Variants in ENOX2 observed in about 807,000 individuals in gnomAD.
ENOX2 encodes the protein ecto-NOX disulfide-thiol exchanger 2, also known as APK1 antigen.
In ENOX2, 36 loss-of-function variants were observed where a neutral mutation model predicts 45.0. The ratio of observed to expected loss-of-function variants is 0.80; its 90% CI spans 0.61 to 1.06. ENOX2 has a LOEUF of 1.06. Among genes scored for constraint, ENOX2 ranks in the 50% least tolerant of loss-of-function variants. The pLI is 0.00. For missense variants in ENOX2, 423 were observed against 462.5 expected, an observed-to-expected ratio of 0.91 and a Z score of 0.78; for synonymous variants, 174 against 152.3, an observed-to-expected ratio of 1.14 and a Z score of -1.05.
chrX:130,769,121 G>A lies in ENOX2; in HGVS notation c.-39+14426C>T, dbSNP rs1437340559. On this transcript the variant is annotated intron_variant, in intron 3 of 14. Transcript: ENST00000394363. ...CCAATGCTGCCTGTTTCATAATCTAGGGGAAGTATTTTCTTCTCAAGCCAT... is the reference window on the plus strand; with the variant it reads ...CCAATGCTGCCTGTTTCATAATCTAAGGGAAGTATTTTCTTCTCAAGCCAT... 4.5e-5 allele frequency among the ~76,000 whole-genome samples: 5 copies of A among 111,494 alleles called. No homozygotes were observed. The East Asian group carries it at 1.4e-3, about 31-fold the overall frequency.
intron 3 of ENOX2, among the ~76,000 whole-genome samples, chrX:130,745,340 T>C (rs1315864760): frequency 8.9e-6 from 1 of 112,101 alleles, no homozygotes; most frequent in African/African-American, 3.2e-5. Context: ...TTTGAAAATA[T>C]GCTAAAGTAT....
rs184867338 is a variant in ENOX2, at chrX:130,683,159, G to A, written c.254-3411C>T. Among the ~76,000 whole-genome samples, 189 of 111,968 alleles carry A rather than the reference G, an allele frequency of 1.7e-3. 1 individual carries two copies. Among genetic ancestry groups the A allele is most frequent in the African/African-American group, 5.7e-3 (176 of 30,812 alleles). ...CATCTACTCTGGGGAGCTATGTTGGGGCAATCTGAGTCATTGCTGATCTTT... is the reference window on the plus strand; with the variant it reads ...CATCTACTCTGGGGAGCTATGTTGGAGCAATCTGAGTCATTGCTGATCTTT... On this transcript the variant is annotated intron_variant, in intron 5 of 14. Coordinates refer to ENST00000394363, the MANE Select transcript of ENOX2 (RefSeq NM_006375.4).
chrX:130,889,873 A>G lies in ENOX2; in HGVS notation c.-183+11811T>C, dbSNP rs770819676. Reference sequence around the variant, plus strand: ...TGAGTCAGGTGGGATACAATTCTCCAGAGGCCTCATCCCTGCTACCGTCCA... The same window carrying G: ...TGAGTCAGGTGGGATACAATTCTCCGGAGGCCTCATCCCTGCTACCGTCCA... On this transcript the variant is annotated intron_variant, in intron 2 of 14. Coordinates refer to ENST00000394363, the MANE Select transcript of ENOX2 (RefSeq NM_006375.4). Among the ~76,000 whole-genome samples the G allele has an allele frequency of 2.7e-5, 3 of 112,562 alleles. No homozygotes were observed. The South Asian group carries it at 1.1e-3, about 42-fold the overall frequency.
At chrX:130,651,764 C>T (rs2036407444) in intron 10 of ENOX2, among the ~76,000 whole-genome samples, 1 of 111,853 alleles carries the variant, frequency 8.9e-6, no homozygotes, top group African/African-American at 3.3e-5. Flanking sequence ...AATAAACAAT[C>T]TCTTAGTATA....
intron 2 of ENOX2, among the ~76,000 whole-genome samples, chrX:130,818,521 A>T (rs2077531739): frequency 8.9e-6 from 1 of 111,962 alleles, no homozygotes; most frequent in Non-Finnish European, 1.9e-5. Context: ...ACGGTAACCA[A>T]AACAGCATGG....
intron 13 of ENOX2, among the ~76,000 whole-genome samples, chrX:130,630,359 A>T (rs1409664844): frequency 9.0e-6 from 1 of 111,228 alleles, no homozygotes; most frequent in Non-Finnish European, 1.9e-5. Flanking sequence ...GGGGCCCCTT[A>T]TAACTTTAGA....
At chrX:130,823,448 C>T (rs2077656509) in intron 2 of ENOX2, among the ~76,000 whole-genome samples, 1 of 110,993 alleles carries the variant, frequency 9.0e-6, no homozygotes, top group African/African-American at 3.3e-5. Flanking sequence ...AGAGCTTTCA[C>T]ATGGAGGCAG....
chrX:130,777,980 G>A (rs1027913164), intron 3 of ENOX2, among the ~76,000 whole-genome samples: 2 of 111,609 alleles, frequency 1.8e-5, no homozygotes, highest in African/African-American at 3.3e-5. Context: ...GGCTCTTCTT[G>A]CCTTTGGCAA....
rs1474928291 is a variant in ENOX2 at position 130,894,329 on chromosome X, A to G, written c.-183+7355T>C. Among the ~76,000 whole-genome samples, 3 of 108,598 alleles carry G rather than the reference A, an allele frequency of 2.8e-5. No individual in the cohort carries two copies. The Admixed American group carries it at 2.9e-4, about 11-fold the overall frequency. 94.3% of individuals were successfully genotyped at this position (108,598 alleles called of 115,157 possible). ...TGTAACAAACCTGCACGTTCTGCAC[A>G]GTATCCTAGAACTTAAAGTAAAATT... On this transcript the variant is annotated intron_variant, in intron 2 of 14. Transcript: ENST00000394363.
At position 130,721,538 on chromosome X, in the gene ENOX2, C is replaced by A. The variant is rs192709775; in HGVS notation, c.-38-18284G>T. On this transcript the variant is annotated intron_variant, in intron 3 of 14. Transcript: ENST00000394363. ...TCTTGAGACAACTTCACTTCCCATT[C>A]TCCTCTGCTCCACAGCCACAGGTTA... is the stretch of plus-strand genomic sequence containing the variant. 1.1e-3 allele frequency among the ~76,000 whole-genome samples: 127 copies of A among 112,079 alleles called. 1 individual carries two copies. Among genetic ancestry groups the A allele is most frequent in the African/African-American group, 4.0e-3 (122 of 30,852 alleles).
chrX:130,853,463 CAAAAAA>C (rs754949787), intron 2 of ENOX2, among the ~76,000 whole-genome samples: 14 of 27,994 alleles, frequency 5.0e-4, no homozygotes, highest in African/African-American at 1.4e-3. Context: ...GACTCCGTCT[CAAAAAA>C]AAAAAAAAAA....
At chrX:130,775,616 A>T (rs2039838413) in intron 3 of ENOX2, among the ~76,000 whole-genome samples, 1 of 110,441 alleles carries the variant, frequency 9.1e-6, no homozygotes, top group South Asian at 3.9e-4. Context: ...CTGGGACGGT[A>T]AATGGTCTGC....
intron 4 of ENOX2, among the ~76,000 whole-genome samples, chrX:130,692,637 G>A (rs1203323223): frequency 1.9e-5 from 2 of 105,715 alleles, no homozygotes; most frequent in Non-Finnish European, 3.9e-5. Flanking sequence ...CTGGAGTGGA[G>A]TGGTGCGATC....
chrX:130,793,835 G>A (rs2077079631), intron 2 of ENOX2, among the ~76,000 whole-genome samples: 1 of 111,885 alleles, frequency 8.9e-6, no homozygotes, highest in Admixed American at 9.5e-5. Flanking sequence ...TTAAGGCTTG[G>A]GAAACACAGC....
chrX:130,637,804 T>C (rs1231975173), intron 10 of ENOX2, among the ~76,000 whole-genome samples: 2 of 112,049 alleles, frequency 1.8e-5, no homozygotes, highest in Non-Finnish European at 3.8e-5. Context: ...AACCTCGGAA[T>C]TTCCTGCTGC....
intron 2 of ENOX2, among the ~76,000 whole-genome samples, chrX:130,867,965 T>C (rs925590138): frequency 6.3e-5 from 7 of 111,956 alleles, no homozygotes; most frequent in Non-Finnish European, 1.3e-4. Context: ...CTTTATGTGT[T>C]CTTCCCATTT....
At chrX:130,818,480 G>A (rs989676056) in intron 2 of ENOX2, among the ~76,000 whole-genome samples, 6 of 111,622 alleles carry the variant, frequency 5.4e-5, no homozygotes, top group South Asian at 3.7e-4. Flanking sequence ...GAGGCATCAC[G>A]CTACCTGACT....
chrX:130,767,614 G>A (rs1310292374), intron 3 of ENOX2, among the ~76,000 whole-genome samples: 1 of 111,811 alleles, frequency 8.9e-6, no homozygotes, highest in Non-Finnish European at 1.9e-5. Context: ...TAGAATCTAC[G>A]TGTGCATATA....
intron 2 of ENOX2, among the ~76,000 whole-genome samples, chrX:130,841,483 T>G (rs968241321): frequency 5.4e-5 from 6 of 112,045 alleles, no homozygotes; most frequent in Non-Finnish European, 1.1e-4. Flanking sequence ...ATGACATGAT[T>G]TCCCAATAAT....
Sources: allele counts gnomAD v4.1 joint callset (sites outside exome capture counted in the v4.1 genomes callset), GRCh38; gene constraint gnomAD v4.1.1; transcripts MANE v1.5; gene names NCBI Gene and HGNC (gene_info 2026-07-23, HGNC 2026-07-21).